ITPR1: variants seen among roughly 807,000 people sequenced by gnomAD.
The protein encoded by ITPR1 is inositol 1,4,5-trisphosphate-gated calcium channel ITPR1.
Under a neutral mutation model 318.4 loss-of-function variants are expected in ITPR1, and 96 were observed. The ratio of observed to expected loss-of-function variants is 0.30; its 90% confidence interval spans 0.26 to 0.36. The LOEUF (loss-of-function observed/expected upper bound fraction) is 0.36. ITPR1 is among the 10% of genes least tolerant of loss of function. The pLI is 1.00. For synonymous variants in ITPR1, 1,312 were observed against 1,289.9 expected (o/e 1.02, Z -0.37); for missense variants, 2,440 against 3,460.2 (o/e 0.71, Z 7.40).
chr3:4,645,032 C>T (rs762705979), intron 8 of ITPR1, among the ~76,000 whole-genome samples: 3 of 151,984 alleles, frequency 2.0e-5, no homozygotes, highest in African/African-American at 7.2e-5. Flanking sequence ...TTTTTTTTCC[C>T]TTTATGGCTC....
intron 24 of ITPR1, among the ~76,000 whole-genome samples, chr3:4,679,528 C>T (rs779354192): frequency 3.9e-5 from 6 of 152,196 alleles, no homozygotes; most frequent in East Asian, 1.9e-4. Context: ...CAGGTGGATT[C>T]GGTCTTCCTC....
chr3:4,508,915 A>G (rs1000360688), intron 2 of ITPR1, among the ~76,000 whole-genome samples: 2 of 152,196 alleles, frequency 1.3e-5, no homozygotes, highest in South Asian at 4.1e-4. Context: ...GGATTTAAAC[A>G]TTTCTGGGAT....
chr3:4,793,781 A>G (rs974740147), intron 52 of ITPR1, among the ~76,000 whole-genome samples: 1 of 152,206 alleles, frequency 6.6e-6, no homozygotes, highest in Admixed American at 6.5e-5. Flanking sequence ...CCTCATTTAT[A>G]CAATGAGGGA....
intron 60 of ITPR1, among the ~76,000 whole-genome samples, chr3:4,830,529 G>A (rs2050404609): frequency 6.6e-6 from 1 of 152,096 alleles, no homozygotes; most frequent in African/African-American, 2.4e-5. Context: ...TGCTTTTGAA[G>A]ACATAAATAT....
intron 44 of ITPR1, among the ~76,000 whole-genome samples, chr3:4,762,886 T>G (rs981033629): frequency 1.3e-5 from 2 of 152,244 alleles, no homozygotes; most frequent in African/African-American, 4.8e-5. Flanking sequence ...GTTACATGCA[T>G]GCATATGTTT....
At chr3:4,684,822 C>A (rs373054094) in intron 29 of ITPR1, among the ~76,000 whole-genome samples, 2 of 152,166 alleles carry the variant, frequency 1.3e-5, no homozygotes, top group Admixed American at 1.3e-4. Flanking sequence ...CCATTTTAAG[C>A]GATATCTCTG....
chr3:4,665,920 C>A (rs1172397747), intron 17 of ITPR1, among the ~76,000 whole-genome samples: 1 of 152,040 alleles, frequency 6.6e-6, no homozygotes, highest in Non-Finnish European at 1.5e-5. Flanking sequence ...ATTTTGTCCC[C>A]CAAAGAATAT....
intron 4 of ITPR1, among the ~76,000 whole-genome samples, chr3:4,551,542 T>A (rs975891804): frequency 1.3e-5 from 2 of 152,220 alleles, no homozygotes; most frequent in Admixed American, 1.3e-4. Flanking sequence ...AAGGGTTGAG[T>A]AGCTGTTTCA....
intron 2 of ITPR1, among the ~76,000 whole-genome samples, chr3:4,495,016 A>G (rs1389891137): frequency 2.0e-5 from 3 of 152,202 alleles, no homozygotes; most frequent in African/African-American, 4.8e-5. Flanking sequence ...ATTGAAGCTT[A>G]AGGTGGTAGC....
intron 60 of ITPR1, among the ~76,000 whole-genome samples, chr3:4,819,981 C>T (rs948288219): frequency 2.6e-5 from 4 of 152,152 alleles, no homozygotes; most frequent in South Asian, 2.1e-4. Context: ...CTGTAGAAAT[C>T]GCACTCCATA....
At position 4,800,408 on chromosome 3, in the gene ITPR1, C is replaced by G. The variant is rs368957292; in HGVS notation, c.6932-17C>G. 1.6e-4 allele frequency: 260 copies of G among 1,610,904 alleles called. No homozygotes were observed. Among genetic ancestry groups the G allele is most frequent in the Non-Finnish European group, 2.0e-4 (233 of 1,179,050 alleles). ...GAAGGCACAGATTTGTGAGAGAACC[C>G]TGTTTTGTCCTTGCAGGAACCCTGG... On this transcript the variant is annotated splice_polypyrimidine_tract_variant and intron_variant, in intron 53 of 61. Transcript: ENST00000649015.
At position 4,777,325 on chromosome 3, in the gene ITPR1, A is replaced by G; in HGVS notation, c.6242A>G (p.Asp2081Gly). 6.2e-7 allele frequency: 1 copy of G among 1,608,044 alleles called. No homozygotes were observed. Among genetic ancestry groups the G allele is most frequent in the Non-Finnish European group, 8.5e-7 (1 of 1,177,112 alleles). ...ATCATCACAGCCCTGATCCTCAATG[A>G]TATCAATCCTTTGGGAAAGAAGAGG... Reference protein sequence around the residue: ...IDIITALILNDINPLGKKRMD... With the variant: ...IDIITALILNGINPLGKKRMD... The change falls in exon 48 of 62, where the codon GAT becomes GGT. Residue 2081 changes from aspartate (D) to glycine (G), a missense_variant. Asp to Gly is a moderately conservative substitution (Grantham distance 94). Coordinates refer to ENST00000649015, the MANE Select transcript of ITPR1 (RefSeq NM_001378452.1).
intron 4 of ITPR1, among the ~76,000 whole-genome samples, chr3:4,590,398 G>A (rs1192185514): frequency 6.6e-6 from 1 of 151,684 alleles, no homozygotes; most frequent in African/African-American, 2.4e-5. Context: ...AGAGTAGTCA[G>A]TGGTTGACTG....
chr3:4,734,976 T>G (rs2043171780), intron 43 of ITPR1, among the ~76,000 whole-genome samples, 188 bp from the exon 44 acceptor site: 1 of 152,220 alleles, frequency 6.6e-6, no homozygotes, highest in African/African-American at 2.4e-5. Flanking sequence ...ACAAGCTGGG[T>G]GTCCTTAGGG....
rs751082663 is a variant in ITPR1, at chr3:4,676,742, C to A, written c.2908C>A (p.Pro970Thr). 1.2e-6 allele frequency: 2 copies of A among 1,613,644 alleles called. No homozygotes were observed. Among genetic ancestry groups the A allele is most frequent in the South Asian group, 1.1e-5 (1 of 91,034 alleles). Residue 970 changes from proline to threonine, a missense_variant, in exon 24 of 62, where the codon CCT becomes ACT. This residue lies in a region of ITPR1 where 478 missense variants were observed against 696.3 expected (regional missense o/e 0.69). Coordinates refer to ENST00000649015, the MANE Select transcript of ITPR1 (RefSeq NM_001378452.1). ...TGAAGGCAATGTGAAGCAGGCAGAG[C>A]CTGAGAAGGAGGACATCATGGTCAT... ...APEGNVKQAE[P>T]EKEDIMVMDT...
In ITPR1 at chr3:4,697,194, A is replaced by G. The variant is rs2094572185; in HGVS notation, c.4329A>G (p.Thr1443=). 2 of 1,606,044 alleles carry G rather than the reference A, an allele frequency of 1.2e-6. No individual in the cohort carries two copies. Among genetic ancestry groups the G allele is most frequent in the East Asian group, 2.2e-5 (1 of 44,796 alleles). ...TCCTGAATCACTGCTATGTGGATAC[A>G]GAGGTGGAAATGAAGGAGATTTATA... ...INFLNHCYVD[T]EVEMKEIYTS... is the part of the protein sequence containing the mutation. Residue 1443 remains threonine (T), a synonymous_variant, in exon 34 of 62, where the codon ACA becomes ACG. Transcript: ENST00000649015.
intron 44 of ITPR1, among the ~76,000 whole-genome samples, chr3:4,753,668 C>T (rs2044721044): frequency 6.6e-6 from 1 of 152,154 alleles, no homozygotes; most frequent in South Asian, 2.1e-4. Flanking sequence ...ACTTGCTTTG[C>T]TTGATGCTTT....
intron 5 of ITPR1, among the ~76,000 whole-genome samples, chr3:4,633,060 T>C (rs545139820): frequency 6.6e-6 from 1 of 151,204 alleles, no homozygotes; most frequent in South Asian, 2.1e-4. Flanking sequence ...TGCCTTAGCG[T>C]CCTGAGTAGC....
intron 33 of ITPR1, among the ~76,000 whole-genome samples, chr3:4,695,681 A>ATCAT (rs1277490382): frequency 2.6e-5 from 4 of 152,210 alleles, no homozygotes; most frequent in African/African-American, 9.6e-5. Context: ...TCTTCTGTGT[A>ATCAT]TCATTCCATG....
Sources: allele counts gnomAD v4.1 joint callset (sites outside exome capture counted in the v4.1 genomes callset), GRCh38; gene constraint gnomAD v4.1.1; regional missense constraint gnomAD v4.1.1; transcripts MANE v1.5; gene names NCBI Gene and HGNC (gene_info 2026-07-23, HGNC 2026-07-21).